GPC6: variants seen among roughly 807,000 people sequenced by gnomAD.
The protein encoded by GPC6 is glypican-6.
In GPC6, 14 loss-of-function variants were observed where a neutral mutation model predicts 55.2. The ratio of observed to expected loss-of-function variants is 0.25; its 90% CI spans 0.17 to 0.40. GPC6 has a LOEUF of 0.40. Ranked by LOEUF, GPC6 falls within the 10% of genes least tolerant of loss-of-function variation. The pLI, the probability that GPC6 is intolerant of heterozygous loss-of-function variation, is 1.00. For synonymous variants in GPC6, 278 were observed against 259.6 expected, an observed-to-expected ratio of 1.07 and a Z score of -0.68; for missense variants, 641 against 708.5, an observed-to-expected ratio of 0.90 and a Z score of 1.08.
intron 6 of GPC6, among the ~76,000 whole-genome samples, chr13:94,342,073 AT>A (rs1217707049): frequency 6.6e-6 from 1 of 152,236 alleles, no homozygotes; most frequent in African/African-American, 2.4e-5. Flanking sequence ...CACCACAGGG[AT>A]TCTGCATCAA....
At chr13:93,672,680 C>CATATAT (rs200452814) in intron 2 of GPC6, among the ~76,000 whole-genome samples, 2 of 147,734 alleles carry the variant, frequency 1.4e-5, no homozygotes, top group Non-Finnish European at 1.5e-5. Flanking sequence ...CACACACAAA[C>CATATAT]ATATATATAT....
At chr13:93,656,944 A>G (rs1880698609) in intron 2 of GPC6, among the ~76,000 whole-genome samples, 1 of 152,078 alleles carries the variant, frequency 6.6e-6, no homozygotes, top group Non-Finnish European at 1.5e-5. Context: ...TTTTGCTGAA[A>G]AAAATTAGAG....
chr13:94,306,047 A>G lies in GPC6; in HGVS notation c.1076A>G (p.Asn359Ser), dbSNP rs751306260. 10 of 1,613,970 alleles carry G rather than the reference A, an allele frequency of 6.2e-6. No individual in the cohort carries two copies. In the African/African-American group the frequency reaches 1.3e-4, roughly 22 times the overall value. ...ALRSARSAPENFNTRFRPYNP... is the reference protein window; with the variant it reads ...ALRSARSAPESFNTRFRPYNP... ...AGATCTGCCCGCTCAGCTCCTGAAA[A>G]TTTTAATACACGTTTCAGGCCCTAC... is the stretch of plus-strand genomic sequence containing the variant. Residue 359 changes from asparagine to serine, a missense_variant, in exon 6 of 9, where the codon AAT (asparagine) becomes AGT (serine). Physicochemically the swap from Asn to Ser is conservative, Grantham distance 46. Coordinates refer to ENST00000377047, the MANE Select transcript of GPC6 (RefSeq NM_005708.5).
chr13:93,680,510 G>T (rs1413512436), intron 2 of GPC6, among the ~76,000 whole-genome samples: 1 of 152,178 alleles, frequency 6.6e-6, no homozygotes, highest in Non-Finnish European at 1.5e-5. Flanking sequence ...GAGGAATTTG[G>T]CTGGAATGTG....
chr13:93,461,021 G>C (rs1849483720), intron 1 of GPC6, among the ~76,000 whole-genome samples: 1 of 152,136 alleles, frequency 6.6e-6, no homozygotes, highest in African/African-American at 2.4e-5. Context: ...TTGGTAAGGA[G>C]TAAATACTTA....
intron 8 of GPC6, among the ~76,000 whole-genome samples, chr13:94,401,661 C>CAG (rs10625778): frequency 0.9 from 136,632 of 152,172 alleles, 61,520 homozygotes; most frequent in African/African-American, 0.95. Flanking sequence ...TGTATGTGAA[C>CAG]GGGTAGTTGG....
chr13:93,739,339 T>C (rs1481571550), intron 2 of GPC6, among the ~76,000 whole-genome samples: 2 of 152,146 alleles, frequency 1.3e-5, no homozygotes, highest in Admixed American at 6.5e-5. Flanking sequence ...GGGAGTCATT[T>C]TTCCTGTATG....
intron 1 of GPC6, among the ~76,000 whole-genome samples, chr13:93,430,783 A>G (rs562060181): frequency 1.6e-4 from 24 of 152,320 alleles, no homozygotes; most frequent in Middle Eastern, 3.4e-3. Context: ...TTATGTGTAT[A>G]GAGAAGAGCT....
chr13:93,738,953 A>ACACACACACACACACACACACACT (rs1277277082), intron 2 of GPC6, among the ~76,000 whole-genome samples: 1 of 137,630 alleles, frequency 7.3e-6, no homozygotes, highest in Non-Finnish European at 1.6e-5. Context: ...ACACACACAC[A>ACACACACACACACACACACACACT]CACACACACA....
At chr13:93,662,023 A>T (rs1880942887) in intron 2 of GPC6, among the ~76,000 whole-genome samples, 1 of 152,108 alleles carries the variant, frequency 6.6e-6, no homozygotes, top group African/African-American at 2.4e-5. Context: ...CGGTCCCCAA[A>T]ACTGTTCAGA....
At chr13:93,547,241 G>A (rs143967745) in intron 2 of GPC6, among the ~76,000 whole-genome samples, 181 of 151,790 alleles carry the variant, frequency 1.2e-3, no homozygotes, top group African/African-American at 4.2e-3. Flanking sequence ...AGCTACTGGG[G>A]AGGCCAAGGC....
At chr13:93,988,135 G>A (rs1881118936) in intron 3 of GPC6, among the ~76,000 whole-genome samples, 1 of 152,142 alleles carries the variant, frequency 6.6e-6, no homozygotes, top group Non-Finnish European at 1.5e-5. Context: ...TCAAGCTCCT[G>A]CCAGAAACAT....
intron 6 of GPC6, among the ~76,000 whole-genome samples, chr13:94,321,307 G>A (rs149561001): frequency 1.2e-4 from 18 of 152,166 alleles, no homozygotes; most frequent in Admixed American, 3.9e-4. Context: ...TTCTTTATCC[G>A]TTCTACCACT....
At chr13:93,690,541 A>G (rs1882222551) in intron 2 of GPC6, among the ~76,000 whole-genome samples, 1 of 151,682 alleles carries the variant, frequency 6.6e-6, no homozygotes, top group Admixed American at 6.6e-5. Context: ...AATGTTTGCC[A>G]TGCCTCCTAC....
chr13:93,591,452 AGACTCC>A (rs992427970), intron 2 of GPC6, among the ~76,000 whole-genome samples: 2 of 143,556 alleles, frequency 1.4e-5, no homozygotes, highest in African/African-American at 5.1e-5. Context: ...CGACAGAGCG[AGACTCC>A]GTCTCAAAGG....
At chr13:94,141,419 T>C (rs978051923) in intron 4 of GPC6, among the ~76,000 whole-genome samples, 1 of 152,212 alleles carries the variant, frequency 6.6e-6, no homozygotes, top group African/African-American at 2.4e-5. Flanking sequence ...CGTTAGGTCC[T>C]GTTTATAACT....
At chr13:93,689,307 T>G (rs1241270607) in intron 2 of GPC6, among the ~76,000 whole-genome samples, 1 of 152,144 alleles carries the variant, frequency 6.6e-6, no homozygotes, top group South Asian at 2.1e-4. Context: ...TATGATTTAC[T>G]ACTTCTCAGA....
intron 2 of GPC6, among the ~76,000 whole-genome samples, chr13:93,805,884 TA>T (rs564122251): frequency 4.7e-4 from 72 of 152,286 alleles, no homozygotes; most frequent in African/African-American, 1.7e-3. Context: ...CCCTGTAGCC[TA>T]AGCTTCTTAG....
intron 5 of GPC6, among the ~76,000 whole-genome samples, chr13:94,295,940 A>C (rs1166832330): frequency 6.9e-6 from 1 of 145,596 alleles, no homozygotes; most frequent in Non-Finnish European, 1.5e-5. Flanking sequence ...ATCAGTTCCC[A>C]CTTACTGCGC....
Sources: allele counts gnomAD v4.1 joint callset (sites outside exome capture counted in the v4.1 genomes callset), GRCh38; gene constraint gnomAD v4.1.1; transcripts MANE v1.5; gene names NCBI Gene and HGNC (gene_info 2026-07-23, HGNC 2026-07-21).